The following PHGDH variants were observed in gnomAD, a reference collection of about 807,000 sequenced individuals.
The protein encoded by PHGDH is phosphoglycerate dehydrogenase, also known as D-3-phosphoglycerate dehydrogenase.
In PHGDH, 50 loss-of-function variants were observed where a neutral mutation model predicts 52.6. The observed-to-expected ratio is 0.95, with a 90% CI of 0.76 to 1.20. The LOEUF (loss-of-function observed/expected upper bound fraction) is 1.20, where lower values mean the gene tolerates loss of function less well. Among genes scored for constraint, PHGDH ranks in the 50% most tolerant of loss-of-function variants. The probability of loss-of-function intolerance (pLI) is 0.00; values close to 1 mark genes in which losing one functional copy is unlikely to be tolerated. For missense variants in PHGDH, 630 were observed against 684.6 expected (o/e 0.92, Z 0.89); for synonymous variants, 271 against 280.5 (o/e 0.97, Z 0.34).
At chr1:119,735,190 T>C in intron 6 of PHGDH, 105 bp from the exon 7 acceptor site, 1 of 1,462,774 alleles carries the variant, frequency 6.8e-7, no homozygotes, top group Non-Finnish European at 9.5e-7. Flanking sequence ...GGAGAGAGGC[T>C]CTGGGAAAGA....
chr1:119,725,297 G>A (rs1259722594), intron 3 of PHGDH, among the ~76,000 whole-genome samples: 1 of 152,192 alleles, frequency 6.6e-6, no homozygotes, highest in African/African-American at 2.4e-5. Flanking sequence ...GGGAGCAGCA[G>A]CCAGAGAAAA....
chr1:119,742,316 G>A (rs1376880091), intron 10 of PHGDH: 4 of 355,278 alleles, frequency 1.1e-5, no homozygotes, highest in Admixed American at 8.5e-5. Context: ...TCCCGTTGGC[G>A]CCTTCCCCTC....
Position 119,741,512 on chromosome 1 carries a change from G to A in PHGDH, c.1079-255G>A, listed in dbSNP as rs368525921. On this transcript the variant is annotated intron_variant, in intron 9 of 11. Coordinates refer to ENST00000641023, the MANE Select transcript of PHGDH (RefSeq NM_006623.4). ...CAAGCCAGGTGCAGGGTTGGGGAGC[G>A]GAGTGGAGTTGAGCTGAGTTTTGGA... 8.5e-5 allele frequency among the ~76,000 whole-genome samples: 13 copies of A among 152,316 alleles called. No homozygotes were observed. In the South Asian group the frequency reaches 1.4e-3, roughly 17 times the overall value.
chr1:119,723,475 T>A (rs1206445613), intron 3 of PHGDH, 34 bp downstream of exon 3: 8 of 1,508,148 alleles, frequency 5.3e-6, no homozygotes, highest in Non-Finnish European at 7.4e-6. Context: ...AGCTAGTCTC[T>A]CCGATATGCC....
rs894079 is a variant in PHGDH, at chr1:119,721,034, A to G, written c.139-136A>G. 0.18 allele frequency: 153,118 copies of G among 828,864 alleles called. 17,571 individuals are homozygous for G. Among genetic ancestry groups the G allele is most frequent in the African/African-American group, 0.44 (26,618 of 59,946 alleles). The allele number at this position is 828,864 out of a possible 1,614,324, so 51.3% of individuals were successfully genotyped here. On this transcript the variant is annotated intron_variant, in intron 1 of 11. Coordinates refer to ENST00000641023, the MANE Select transcript of PHGDH (RefSeq NM_006623.4). ...CCTAGTGAGTATACCAAAGATATCT[A>G]TGAACTGGCAGTCATCAGTGACTTC... is the stretch of plus-strand genomic sequence containing the variant.
At position 119,743,776 on chromosome 1, in the gene PHGDH, G is replaced by C. The variant is rs1379664644; in HGVS notation, c.1448-110G>C. 9.5e-6 allele frequency: 8 copies of C among 842,820 alleles called. No individual in the cohort carries two copies. In the Admixed American group the frequency reaches 1.4e-4, roughly 14 times the overall value. The allele number at this position is 842,820 out of a possible 1,614,324, so 52.2% of individuals were successfully genotyped here. On this transcript the variant is annotated intron_variant, in intron 11 of 11. Transcript: ENST00000641023. ...CTCTTTGATTCTGAGACCATCATCC[G>C]CTCATTGCACCTTTGATCACAAAAG...
intron 6 of PHGDH, chr1:119,735,089 A>G (rs775491290): frequency 2.2e-4 from 154 of 704,408 alleles, no homozygotes; most frequent in Non-Finnish European, 3.6e-4. Flanking sequence ...AGATGTTTCT[A>G]AACTGAGTCT....
chr1:119,737,306 G>A (rs1412520574), intron 8 of PHGDH, 40 bp downstream of exon 8: 1 of 1,575,772 alleles, frequency 6.3e-7, no homozygotes, highest in Admixed American at 1.7e-5. Context: ...AGGAGTCAGA[G>A]GGAGGAGAGG....
intron 5 of PHGDH, among the ~76,000 whole-genome samples, chr1:119,732,196 T>C (rs1333002890): frequency 3.3e-5 from 5 of 152,220 alleles, no homozygotes; most frequent in South Asian, 2.1e-4. Context: ...CTCTTTGCTC[T>C]GCTGAGCCAG....
intron 1 of PHGDH, among the ~76,000 whole-genome samples, chr1:119,719,216 AGCCCTGGGT>A (rs1651048333): frequency 6.6e-6 from 1 of 152,126 alleles, no homozygotes; most frequent in South Asian, 2.1e-4. Flanking sequence ...GATTCCTCTA[AGCCCTGGGT>A]GCCCATGTGA....
chr1:119,742,711 A>G, intron 10 of PHGDH, 96 bp from the exon 11 acceptor site: 1 of 784,222 alleles, frequency 1.3e-6, no homozygotes, highest in Non-Finnish European at 2.2e-6. Flanking sequence ...TCCAGGCTGG[A>G]GCCCTACATC....
chr1:119,720,182 G>A (rs1651086473), intron 1 of PHGDH: 1 of 152,200 alleles, frequency 6.6e-6, no homozygotes, highest in Admixed American at 6.5e-5. Flanking sequence ...AGGATTCTGG[G>A]TGAGCATAAG....
chr1:119,733,122 T>TG (rs1213085979), intron 5 of PHGDH, among the ~76,000 whole-genome samples: 6 of 152,082 alleles, frequency 3.9e-5, no homozygotes, highest in Non-Finnish European at 8.8e-5. Context: ...ACCACCAGCG[T>TG]TCTGAGCTGG....
intron 5 of PHGDH, 170 bp downstream of exon 5, chr1:119,727,272 G>C (rs954103601): frequency 4.6e-6 from 3 of 653,748 alleles, no homozygotes; most frequent in Non-Finnish European, 8.3e-6. Context: ...CTGGCCTGCT[G>C]ATCTGGACTC....
At chr1:119,721,359 G>C in intron 2 of PHGDH, 38 bp downstream of exon 2, 1 of 1,603,544 alleles carries the variant, frequency 6.2e-7, no homozygotes, top group Non-Finnish European at 8.5e-7. Context: ...GGGGGTAGGG[G>C]GGTGAGTGCG....
intron 5 of PHGDH, 171 bp from the exon 6 acceptor site, chr1:119,734,463 T>A: frequency 1.4e-6 from 1 of 711,168 alleles, no homozygotes; most frequent in Non-Finnish European, 2.5e-6. Flanking sequence ...TAAATAGTAC[T>A]TAGTATGTGG....
intron 5 of PHGDH, among the ~76,000 whole-genome samples, chr1:119,732,928 A>C (rs2101190176): frequency 6.6e-6 from 1 of 152,170 alleles, no homozygotes; most frequent in East Asian, 1.9e-4. Context: ...ACTCCATATG[A>C]GAAAAAAAAA....
chr1:119,727,426 T>C (rs1651480861), intron 5 of PHGDH: 1 of 411,150 alleles, frequency 2.4e-6, no homozygotes, highest in South Asian at 2.2e-5. Context: ...AGAGACACGG[T>C]GCAGCATTGA....
At chr1:119,720,740 G>A (rs1451286205) in intron 1 of PHGDH, 2 of 244,476 alleles carry the variant, frequency 8.2e-6, no homozygotes, top group African/African-American at 2.2e-5. Context: ...TCAGCCAGCA[G>A]GCAGGAACTC....
Sources: allele counts gnomAD v4.1 joint callset (sites outside exome capture counted in the v4.1 genomes callset), GRCh38; gene constraint gnomAD v4.1.1; transcripts MANE v1.5; gene names NCBI Gene and HGNC (gene_info 2026-07-23, HGNC 2026-07-21).